The following SYNPO2 variants were observed in gnomAD, a reference collection of about 807,000 sequenced individuals.
SYNPO2 encodes synaptopodin 2.
SYNPO2 carries 56 observed loss-of-function variants against 85.0 expected under a neutral mutation model. That is an observed-to-expected ratio of 0.66 (90% CI 0.53 to 0.82). The LOEUF (loss-of-function observed/expected upper bound fraction) is 0.82. Among genes scored for constraint, SYNPO2 ranks in the 40% least tolerant of loss-of-function variants. SYNPO2 has a pLI of 0.00. For missense variants in SYNPO2, 1,575 were observed against 1,534.2 expected (o/e 1.03, Z -0.44); for synonymous variants, 602 against 591.1 (o/e 1.02, Z -0.27).
intron 1 of SYNPO2, among the ~76,000 whole-genome samples, chr4:119,012,393 T>TTTTTTTTTTTA (rs1553946399): frequency 1.2e-4 from 16 of 130,820 alleles, no homozygotes; most frequent in South Asian, 2.4e-4. Flanking sequence ...TTTTTTTTTT[T>TTTTTTTTTTTA]ATTTTACTTT....
chr4:118,851,017 G>A (rs983468747), intron 1 of SYNPO2: 2 of 398,338 alleles, frequency 5.0e-6, no homozygotes, highest in East Asian at 7.1e-5. Flanking sequence ...TATTGCCTGC[G>A]AATATCAGGT....
Position 119,057,789 on chromosome 4 carries a change from G to T in SYNPO2, c.3641G>T (p.Gly1214Val). The stretch of plus-strand genomic sequence containing the variant: ...AATATGTCCACCACCTCCCAATATG[G>T]TTCACAGTTGCCATATGCATATTAT... ...NNNMSTTSQY[G>V]SQLPYAYYRQ... The change falls in exon 5 of 5, where the codon GGT (glycine) becomes GTT (valine). Residue 1214 changes from glycine to valine, a missense_variant. Coordinates refer to ENST00000307142, the MANE Select transcript of SYNPO2 (RefSeq NM_133477.3). 2.5e-6 allele frequency: 4 copies of T among 1,614,042 alleles called. No homozygotes were observed. The highest frequency in any genetic ancestry group is 2.5e-6 in the Non-Finnish European group (3 of 1,180,008).
At chr4:119,035,958 G>T in intron 4 of SYNPO2, 3 of 985,394 alleles carry the variant, frequency 3.0e-6, no homozygotes, top group Non-Finnish European at 3.6e-6. Context: ...AACACTCTGT[G>T]TGGCTCTTTC....
chr4:118,968,694 T>C (rs1321784272), intron 1 of SYNPO2, among the ~76,000 whole-genome samples: 2 of 152,188 alleles, frequency 1.3e-5, no homozygotes, highest in East Asian at 1.9e-4. Context: ...GATGGGTCTT[T>C]TTTCTTTTTA....
upstream of SYNPO2, among the ~76,000 whole-genome samples, chr4:118,885,668 T>A (rs1450482605): frequency 6.6e-6 from 1 of 152,076 alleles, no homozygotes; most frequent in Non-Finnish European, 1.5e-5. Flanking sequence ...AGATGGGGTT[T>A]CACCATGTTG....
intron 1 of SYNPO2, among the ~76,000 whole-genome samples, chr4:118,919,627 G>T (rs1460193787): frequency 6.6e-6 from 1 of 152,128 alleles, no homozygotes; most frequent in Admixed American, 6.6e-5. Context: ...TGTAGAAGAT[G>T]GTATAGGGGA....
At chr4:119,051,191 T>TTTTTTG (rs1739028159) in intron 4 of SYNPO2, among the ~76,000 whole-genome samples, 3 of 135,336 alleles carry the variant, frequency 2.2e-5, no homozygotes, top group Non-Finnish European at 4.8e-5. Context: ...AAGCAATTTT[T>TTTTTTG]TTTTTTTTTT....
intron 1 of SYNPO2, among the ~76,000 whole-genome samples, chr4:118,984,260 A>G (rs78665151): frequency 0.089 from 13,626 of 152,266 alleles, 662 homozygotes; most frequent in East Asian, 0.13. Context: ...TGTAAGAGAG[A>G]GAAAATTTAC....
chr4:118,877,470 G>A (rs1215670184), intron 1 of SYNPO2, among the ~76,000 whole-genome samples: 1 of 152,132 alleles, frequency 6.6e-6, no homozygotes. Flanking sequence ...ATCTGACAAA[G>A]GTCTAATAAG....
At chr4:118,987,982 A>G (rs1032896081) in intron 1 of SYNPO2, among the ~76,000 whole-genome samples, 1 of 152,208 alleles carries the variant, frequency 6.6e-6, no homozygotes, top group Admixed American at 6.5e-5. Flanking sequence ...CTCAATAAAT[A>G]TTAAAATTAT....
chr4:118,959,010 G>T (rs1168738604), intron 1 of SYNPO2, among the ~76,000 whole-genome samples: 1 of 151,960 alleles, frequency 6.6e-6, no homozygotes, highest in Non-Finnish European at 1.5e-5. Context: ...GACCCTACAT[G>T]GTATATTTCT....
chr4:118,938,654 T>C (rs1186403858), intron 1 of SYNPO2, among the ~76,000 whole-genome samples: 1 of 152,226 alleles, frequency 6.6e-6, no homozygotes, highest in Non-Finnish European at 1.5e-5. Context: ...TTTAAAACTG[T>C]CAGATATTTC....
At chr4:118,974,035 C>A (rs994412369) in intron 1 of SYNPO2, among the ~76,000 whole-genome samples, 7 of 152,214 alleles carry the variant, frequency 4.6e-5, no homozygotes, top group African/African-American at 1.7e-4. Context: ...ACCTGCTTAT[C>A]TTGGTCATAT....
intron 1 of SYNPO2, among the ~76,000 whole-genome samples, chr4:118,862,661 A>G (rs542268091): frequency 2.0e-4 from 30 of 152,320 alleles, no homozygotes; most frequent in Admixed American, 1.6e-3. Context: ...CATTCCTTGC[A>G]TCCTTGCAAT....
chr4:118,859,142 G>A (rs1269671471), intron 1 of SYNPO2, among the ~76,000 whole-genome samples: 10 of 152,276 alleles, frequency 6.6e-5, no homozygotes, highest in Admixed American at 3.9e-4. Flanking sequence ...TCCATGTTTA[G>A]TATCAATGTG....
intron 1 of SYNPO2, among the ~76,000 whole-genome samples, chr4:118,996,508 C>T (rs1736598969): frequency 6.6e-6 from 1 of 152,082 alleles, no homozygotes; most frequent in African/African-American, 2.4e-5. Flanking sequence ...CAAAACAATA[C>T]CTTCTCTCAA....
rs78515143 is a variant in SYNPO2, at chr4:118,950,981, A to G, written c.105+61840A>G. Among the ~76,000 whole-genome samples, 568 of 152,352 alleles carry G rather than the reference A, an allele frequency of 3.7e-3. 4 individuals carry two copies. The highest frequency in any genetic ancestry group is 0.012 in the African/African-American group (481 of 41,578). Reference sequence around the variant, plus strand: ...TATTGAAGTCTTCATGCCATTGTATACATAAGTCAAGAGAAATTACCTATC... The same window carrying G: ...TATTGAAGTCTTCATGCCATTGTATGCATAAGTCAAGAGAAATTACCTATC... On this transcript the variant is annotated intron_variant, in intron 1 of 4. Coordinates refer to ENST00000307142, the MANE Select transcript of SYNPO2 (RefSeq NM_133477.3).
chr4:118,940,453 C>G (rs1335583476), intron 1 of SYNPO2, among the ~76,000 whole-genome samples: 1 of 151,868 alleles, frequency 6.6e-6, no homozygotes, highest in Admixed American at 6.6e-5. Context: ...AGCTAATTAC[C>G]CAAAGGACTG....
intron 4 of SYNPO2, chr4:119,038,536 G>A (rs1206436988): frequency 2.3e-5 from 23 of 985,232 alleles, no homozygotes; most frequent in Non-Finnish European, 2.7e-5. Context: ...GCTCCCTTTG[G>A]CTTTCTGCCA....
Sources: allele counts gnomAD v4.1 joint callset (sites outside exome capture counted in the v4.1 genomes callset), GRCh38; gene constraint gnomAD v4.1.1; transcripts MANE v1.5; gene names NCBI Gene and HGNC (gene_info 2026-07-23, HGNC 2026-07-21).